Variants in ADAMTS9 observed in about 807,000 individuals in gnomAD.
The protein encoded by ADAMTS9 is A disintegrin and metalloproteinase with thrombospondin motifs 9.
In ADAMTS9, 107 loss-of-function variants were observed where a neutral mutation model predicts 257.1. The observed-to-expected ratio is 0.42, with a 90% CI of 0.36 to 0.49. The LOEUF (loss-of-function observed/expected upper bound fraction) is 0.49. Ranked by LOEUF, ADAMTS9 falls within the 20% of genes least tolerant of loss-of-function variation. ADAMTS9 has a pLI of 0.03. For synonymous variants in ADAMTS9, 982 were observed against 880.9 expected, an observed-to-expected ratio of 1.11 and a Z score of -2.03; for missense variants, 2,353 against 2,469.1, an observed-to-expected ratio of 0.95 and a Z score of 1.00.
chr3:64,609,526 T>C (rs2084627040), intron 22 of ADAMTS9, among the ~76,000 whole-genome samples: 1 of 151,920 alleles, frequency 6.6e-6, no homozygotes, highest in African/African-American at 2.4e-5. Flanking sequence ...AAAAATTCAA[T>C]TTACAGCAAC....
chr3:64,532,254 C>T (rs2082991640), intron 38 of ADAMTS9, among the ~76,000 whole-genome samples: 1 of 152,228 alleles, frequency 6.6e-6, no homozygotes, highest in African/African-American at 2.4e-5. Context: ...CTGAACATCA[C>T]AGCCTAGGCT....
intron 28 of ADAMTS9, among the ~76,000 whole-genome samples, chr3:64,578,331 G>A (rs2083908883): frequency 6.6e-6 from 1 of 151,922 alleles, no homozygotes; most frequent in African/African-American, 2.4e-5. Flanking sequence ...TGAAAGGACG[G>A]GATGAGCAGT....
intron 39 of ADAMTS9, 77 bp downstream of exon 39, chr3:64,522,089 C>A: frequency 7.9e-7 from 1 of 1,263,324 alleles, no homozygotes; most frequent in Non-Finnish European, 1.1e-6. Flanking sequence ...CTGCCTGATC[C>A]TCCCACATTT....
chr3:64,612,122 C>A (rs1443273071), intron 22 of ADAMTS9, among the ~76,000 whole-genome samples: 1 of 151,994 alleles, frequency 6.6e-6, no homozygotes, highest in Non-Finnish European at 1.5e-5. Context: ...TTACATTTTG[C>A]AAAATTTCTC....
intron 32 of ADAMTS9, among the ~76,000 whole-genome samples, chr3:64,544,637 G>A (rs9821592): frequency 0.19 from 28,639 of 152,052 alleles, 3,512 homozygotes; most frequent in African/African-American, 0.33. Context: ...AGACTTAAAT[G>A]TTAGACCTAA....
intron 25 of ADAMTS9, among the ~76,000 whole-genome samples, chr3:64,602,654 G>A (rs2084486896): frequency 6.6e-6 from 1 of 152,130 alleles, no homozygotes; most frequent in Non-Finnish European, 1.5e-5. Context: ...CATACCTACT[G>A]CACCTTTTGC....
intron 28 of ADAMTS9, among the ~76,000 whole-genome samples, chr3:64,570,438 G>T (rs903301254): frequency 6.6e-6 from 1 of 152,136 alleles, no homozygotes; most frequent in African/African-American, 2.4e-5. Flanking sequence ...TTCTGCACAA[G>T]ATGAAAAATC....
rs113865133 is a variant in ADAMTS9, at chr3:64,534,706, C to T, written c.5614-1436G>A. Among the ~76,000 whole-genome samples, 612 of 152,224 alleles carry T rather than the reference C, an allele frequency of 4.0e-3. 2 individuals are homozygous for T. Among genetic ancestry groups the T allele is most frequent in the African/African-American group, 0.014 (567 of 41,536 alleles). On this transcript the variant is annotated intron_variant, in intron 37 of 39. Transcript: ENST00000498707. The stretch of plus-strand genomic sequence containing the variant: ...TAGTTTGGACTAAATCAGTGGTTCT[C>T]AACAGGGCACGATTTTGACCCCAGG...
chr3:64,622,479 C>T lies in ADAMTS9; in HGVS notation c.2497G>A (p.Glu833Lys), dbSNP rs753825033. The T allele has an allele frequency of 6.8e-6, 11 of 1,614,046 alleles. No homozygotes were observed. The East Asian group carries it at 1.1e-4, about 16-fold the overall frequency. ...GNAVVEYSGS[E>K]TAVERINSTD... The stretch of plus-strand genomic sequence containing the variant: ...GAGTTAATTCTTTCTACGGCAGTCT[C>T]GGACCCACTGTACTCTACCACAGCA... Residue 833 changes from glutamate to lysine, a missense_variant, in exon 17 of 40, where the codon GAG (glutamate) becomes AAG (lysine). Glu to Lys is a moderately conservative substitution (Grantham distance 56). This residue lies in a region of ADAMTS9 where 1,402 missense variants were observed against 1,441.4 expected (regional missense o/e 0.97). Coordinates refer to ENST00000498707, the MANE Select transcript of ADAMTS9 (RefSeq NM_182920.2).
At chr3:64,616,988 T>C (rs1699957255) in intron 19 of ADAMTS9, among the ~76,000 whole-genome samples, 1 of 152,164 alleles carries the variant, frequency 6.6e-6, no homozygotes, top group Non-Finnish European at 1.5e-5. Flanking sequence ...TATCTTGGAA[T>C]TTCTCATGAA....
At chr3:64,568,707 T>C (rs953460012) in intron 28 of ADAMTS9, 172 bp from the exon 29 acceptor site, 2 of 712,914 alleles carry the variant, frequency 2.8e-6, no homozygotes, top group African/African-American at 1.9e-5. Flanking sequence ...GAAGGTGGCA[T>C]TGAAAAAAAA....
intron 2 of ADAMTS9, among the ~76,000 whole-genome samples, chr3:64,685,626 C>T (rs987772433): frequency 2.0e-4 from 31 of 152,204 alleles, no homozygotes; most frequent in Non-Finnish European, 7.3e-5. Context: ...CACTGGAGGG[C>T]ACATGCGGGG....
chr3:64,551,158 A>G (rs763898356), intron 30 of ADAMTS9, 96 bp from the exon 31 acceptor site: 4 of 1,382,578 alleles, frequency 2.9e-6, no homozygotes, highest in Non-Finnish European at 4.0e-6. Flanking sequence ...CTTTAAGATC[A>G]TAAGAGCCCT....
intron 29 of ADAMTS9, 36 bp from the exon 30 acceptor site, chr3:64,561,787 T>C: frequency 9.9e-7 from 1 of 1,011,318 alleles, no homozygotes; most frequent in South Asian, 1.3e-5. Context: ...GAGCTTCGGC[T>C]CATTTATTTT....
rs150475418 is a variant in ADAMTS9, at chr3:64,536,447, G to A, written c.5613+2756C>T. Among the ~76,000 whole-genome samples, 70 of 152,298 alleles carry A rather than the reference G, an allele frequency of 4.6e-4. No homozygotes were observed. In the East Asian group the frequency reaches 7.9e-3, roughly 17 times the overall value. ...GAGTTATACGTTTACTAGTTGGTCC[G>A]TAAAGGTTTGCAAAAGATGTGCTTA... On this transcript the variant is annotated intron_variant, in intron 37 of 39. Coordinates refer to ENST00000498707, the MANE Select transcript of ADAMTS9 (RefSeq NM_182920.2).
chr3:64,561,360 C>A, intron 30 of ADAMTS9: 1 of 321,704 alleles, frequency 3.1e-6, no homozygotes, highest in Non-Finnish European at 5.4e-6. Context: ...ACTTGGAACA[C>A]TCAGGAATAC....
At position 64,594,244 on chromosome 3, in the gene ADAMTS9, A is replaced by T; in HGVS notation, c.4356+14T>A. 6.2e-7 allele frequency: 1 copy of T among 1,607,444 alleles called. No individual in the cohort carries two copies. The highest frequency in any genetic ancestry group is 8.5e-7 in the Non-Finnish European group (1 of 1,175,966). The stretch of plus-strand genomic sequence containing the variant: ...GATAGTTTGGTTAACAAACATGAAT[A>T]GTTAGGGCCGTACCGAGCTCCAAGG... On this transcript the variant is annotated intron_variant, in intron 28 of 39. Transcript: ENST00000498707.
intron 3 of ADAMTS9, among the ~76,000 whole-genome samples, chr3:64,659,909 C>G (rs1375689606): frequency 1.3e-5 from 2 of 152,152 alleles, no homozygotes; most frequent in Non-Finnish European, 2.9e-5. Context: ...GGCCCCACCC[C>G]AGGCCTGAAT....
chr3:64,547,639 A>G (rs914116939), intron 31 of ADAMTS9, among the ~76,000 whole-genome samples: 1 of 151,758 alleles, frequency 6.6e-6, no homozygotes, highest in African/African-American at 2.4e-5. Context: ...CAGCCTCCCA[A>G]GTAGTTGGGA....
Sources: gnomAD v4.1 joint callset for allele counts (sites outside exome capture counted in the v4.1 genomes callset) on GRCh38, gnomAD v4.1.1 for gene constraint, gnomAD v4.1.1 regional missense constraint, MANE v1.5 for transcripts, NCBI Gene and HGNC (gene_info 2026-07-23, HGNC 2026-07-21) for gene names.